Variants in DYSF observed in about 807,000 individuals in gnomAD.
DYSF encodes dysferlin, also known as dystrophy-associated fer-1-like 1.
A neutral mutation model predicts 274.9 loss-of-function variants in DYSF; 212 were observed. The observed-to-expected ratio is 0.77, with a 90% confidence interval of 0.69 to 0.86. The LOEUF is 0.86. Among genes scored for constraint, DYSF ranks in the 40% least tolerant of loss-of-function variants. The pLI is 0.00. For missense variants in DYSF, 2,666 were observed against 2,783.2 expected (o/e 0.96, Z 0.95); for synonymous variants, 1,091 against 1,078.7 (o/e 1.01, Z -0.22).
intron 51 of DYSF, among the ~76,000 whole-genome samples, chr2:71,673,982 T>G (rs1359514274): frequency 6.6e-6 from 1 of 152,208 alleles, no homozygotes; most frequent in Non-Finnish European, 1.5e-5. Context: ...AGCCATCTTA[T>G]GTGAACTGAG....
intron 41 of DYSF, among the ~76,000 whole-genome samples, chr2:71,630,945 G>A (rs6748973): frequency 0.012 from 1,804 of 152,286 alleles, 30 homozygotes; most frequent in African/African-American, 0.041. Flanking sequence ...AGTGTAGGAG[G>A]CATTCTTCCC....
At chr2:71,590,402 C>A (rs1016666458) in intron 32 of DYSF, 114 bp downstream of exon 32, 22 of 1,136,304 alleles carry the variant, frequency 1.9e-5, no homozygotes, top group Non-Finnish European at 2.9e-5. Context: ...GAGATGGGTG[C>A]TGTCACCAGG....
chr2:71,668,359 G>C (rs558918543), intron 48 of DYSF, among the ~76,000 whole-genome samples: 3 of 152,156 alleles, frequency 2.0e-5, no homozygotes, highest in Non-Finnish European at 4.4e-5. Context: ...TTCACACCTC[G>C]CTTGCAGAGA....
intron 29 of DYSF, among the ~76,000 whole-genome samples, chr2:71,572,213 A>C (rs1214928178): frequency 6.9e-6 from 1 of 145,766 alleles, no homozygotes; most frequent in Non-Finnish European, 1.5e-5. Context: ...CACACCCAGC[A>C]CAGATCACAC....
intron 17 of DYSF, among the ~76,000 whole-genome samples, chr2:71,544,222 C>T (rs1202386445): frequency 6.6e-6 from 1 of 152,102 alleles, no homozygotes; most frequent in Non-Finnish European, 1.5e-5. Context: ...ATTCACTCTC[C>T]CACAAGATCT....
intron 4 of DYSF, among the ~76,000 whole-genome samples, chr2:71,509,314 C>T (rs2085835394): frequency 6.6e-6 from 1 of 152,120 alleles, no homozygotes; most frequent in Admixed American, 6.6e-5. Context: ...AAGCGTGGGC[C>T]ACCATGCCTG....
At position 71,511,823 on chromosome 2, in the gene DYSF, A is replaced by C. The variant is rs1444283069; in HGVS notation, c.362A>C (p.Gln121Pro). 6.4e-7 allele frequency: 1 copy of C among 1,551,012 alleles called. No individual in the cohort carries two copies. Among genetic ancestry groups the C allele is most frequent in the Non-Finnish European group, 8.7e-7 (1 of 1,146,540 alleles). ...CTCTTCCAGGCCTCGCTGGTCCTGCAGGTGTCCTACACACCGCTGCCTGGA... is the reference window on the plus strand; with the variant it reads ...CTCTTCCAGGCCTCGCTGGTCCTGCCGGTGTCCTACACACCGCTGCCTGGA... ...KQPTGASLVLQVSYTPLPGAV... is the reference protein window; with the variant it reads ...KQPTGASLVLPVSYTPLPGAV... The change falls in exon 5 of 56, where the codon CAG becomes CCG. Residue 121 changes from glutamine (Q) to proline (P), a missense_variant. By Grantham distance (76) the Gln-to-Pro change is moderately conservative. Around this residue, in one of 3 missense-constraint regions of DYSF, gnomAD observed 794 missense variants for 777.1 expected, o/e 1.02. Transcript: ENST00000410020.
intron 45 of DYSF, among the ~76,000 whole-genome samples, chr2:71,660,978 A>T (rs2094869133): frequency 6.6e-6 from 1 of 152,042 alleles, no homozygotes; most frequent in Admixed American, 6.6e-5. Context: ...TTAGCCAGGC[A>T]TGGTAGTGCA....
intron 41 of DYSF, among the ~76,000 whole-genome samples, chr2:71,624,725 C>T (rs934072): frequency 0.49 from 73,932 of 151,990 alleles, 18,255 homozygotes; most frequent in Admixed American, 0.58. Context: ...TTTCCTAACA[C>T]GGGATAGCCA....
At chr2:71,460,940 A>G (rs1360631131) in intron 1 of DYSF, among the ~76,000 whole-genome samples, 1 of 55,202 alleles carries the variant, frequency 1.8e-5, no homozygotes, top group African/African-American at 1.5e-4. Context: ...ATAGACAGGA[A>G]AAAAAAAAAA....
At chr2:71,653,403 A>C (rs575617826) in intron 42 of DYSF, among the ~76,000 whole-genome samples, 3 of 152,208 alleles carry the variant, frequency 2.0e-5, no homozygotes, top group African/African-American at 7.2e-5. Flanking sequence ...AAGACTTGGA[A>C]CCAACCCAAA....
intron 6 of DYSF, 83 bp downstream of exon 6, chr2:71,513,415 G>A (rs550798129): frequency 1.2e-5 from 17 of 1,430,606 alleles, no homozygotes; most frequent in South Asian, 1.0e-4. Context: ...TTGCTGGAGC[G>A]GGGCCAGGTG....
intron 36 of DYSF, among the ~76,000 whole-genome samples, chr2:71,604,746 C>T (rs949978763): frequency 6.6e-6 from 1 of 152,222 alleles, no homozygotes; most frequent in Non-Finnish European, 1.5e-5. Flanking sequence ...GCAGAGATTT[C>T]CAAGCCACAG....
intron 51 of DYSF, among the ~76,000 whole-genome samples, chr2:71,673,347 G>A (rs1021215150): frequency 6.6e-6 from 1 of 152,210 alleles, no homozygotes; most frequent in Non-Finnish European, 1.5e-5. Context: ...TCAGTGGGAG[G>A]AAGCCCAAGA....
At position 71,504,620 on chromosome 2, in the gene DYSF, G is replaced by A. The variant is rs2085308295; in HGVS notation, c.345+1301G>A. On this transcript the variant is annotated intron_variant, in intron 4 of 55. Coordinates refer to ENST00000410020, the MANE Select transcript of DYSF (RefSeq NM_001130987.2). ...ATGGGACACAGATGGAGGGATGATA[G>A]GTATCAAGGCAGCTGGCGAGAGAAA... is the stretch of plus-strand genomic sequence containing the variant. Among the ~76,000 whole-genome samples, 3 of 152,198 alleles carry A rather than the reference G, an allele frequency of 2.0e-5. No homozygotes were observed. The South Asian group carries it at 6.2e-4, about 32-fold the overall frequency.
At position 71,611,366 on chromosome 2, in the gene DYSF, G is replaced by T; in HGVS notation, c.4059+20G>T. 1 of 1,612,562 alleles carries T rather than the reference G, an allele frequency of 6.2e-7. No homozygotes were observed. ...ATCGAGGTGAGCCGTCCGGGCCTGG[G>T]CGTGGGGGCTGGGAGCAGCCTGCCC... On this transcript the variant is annotated intron_variant, in intron 37 of 55. Coordinates refer to ENST00000410020, the MANE Select transcript of DYSF (RefSeq NM_001130987.2).
intron 1 of DYSF, among the ~76,000 whole-genome samples, chr2:71,477,362 C>A (rs565443940): frequency 6.6e-6 from 1 of 152,114 alleles, no homozygotes; most frequent in Admixed American, 6.5e-5. Flanking sequence ...GGGGTGCAGG[C>A]TTTAGCATGG....
At chr2:71,507,500 C>T (rs1444411066) in intron 4 of DYSF, among the ~76,000 whole-genome samples, 1 of 152,194 alleles carries the variant, frequency 6.6e-6, no homozygotes, top group Admixed American at 6.5e-5. Flanking sequence ...TCTTCTCTGC[C>T]AAGACATCAG....
At chr2:71,498,176 T>G (rs2084605360) in intron 3 of DYSF, among the ~76,000 whole-genome samples, 1 of 152,212 alleles carries the variant, frequency 6.6e-6, no homozygotes. Context: ...TGGGCAAAAC[T>G]CTTGGTGGGC....
Sources: gnomAD v4.1 joint callset for allele counts (sites outside exome capture counted in the v4.1 genomes callset) on GRCh38, gnomAD v4.1.1 for gene constraint, gnomAD v4.1.1 regional missense constraint, MANE v1.5 for transcripts, NCBI Gene and HGNC (gene_info 2026-07-23, HGNC 2026-07-21) for gene names.